TIMM23B: variants seen among roughly 807,000 people sequenced by gnomAD.
TIMM23B encodes the protein translocase of inner mitochondrial membrane 23 homolog B, also known as mitochondrial import inner membrane translocase subunit Tim23B.
A neutral mutation model predicts 27.3 loss-of-function variants in TIMM23B; 27 were observed. The ratio of observed to expected loss-of-function variants is 0.99; its 90% CI spans 0.73 to 1.36. The LOEUF is 1.36. Among genes scored for constraint, TIMM23B ranks in the 40% most tolerant of loss-of-function variants. The pLI is 0.00. For synonymous variants in TIMM23B, 73 were observed against 92.4 expected (o/e 0.79, Z 1.21); for missense variants, 205 against 244.2 (o/e 0.84, Z 1.07).
chr10:49,947,139 C>G (rs1839377686), intron 2 of TIMM23B, among the ~76,000 whole-genome samples: 1 of 152,184 alleles, frequency 6.6e-6, no homozygotes, highest in Non-Finnish European at 1.5e-5. Flanking sequence ...GGATTAAAGA[C>G]TTAAATGTAA....
At chr10:49,959,722 C>G (rs1839834604) in intron 6 of TIMM23B, among the ~76,000 whole-genome samples, 1 of 151,684 alleles carries the variant, frequency 6.6e-6, no homozygotes, top group Non-Finnish European at 1.5e-5. Context: ...CCTTAATTCC[C>G]TTTTCCCAAA....
At chr10:49,960,467 AC>A (rs1392904934) in intron 6 of TIMM23B, among the ~76,000 whole-genome samples, 2 of 151,734 alleles carry the variant, frequency 1.3e-5, no homozygotes, top group Non-Finnish European at 2.9e-5. Context: ...AGCTGTGTTA[AC>A]TCTGCTAAGA....
chr10:49,951,942 G>A (rs1490696907), intron 2 of TIMM23B, among the ~76,000 whole-genome samples, 184 bp from the exon 3 acceptor site: 2 of 152,244 alleles, frequency 1.3e-5, no homozygotes, highest in South Asian at 2.1e-4. Flanking sequence ...ACTGTGTTTC[G>A]TATTTCATTT....
In TIMM23B at chr10:49,974,796, T is replaced by C. The variant is rs1329637953; in HGVS notation, c.*1732T>C. 7.3e-6 allele frequency: 1 copy of C among 136,804 alleles called. No individual in the cohort carries two copies. The highest frequency in any genetic ancestry group is 1.5e-5 in the Non-Finnish European group (1 of 64,728). 8.5% of individuals were successfully genotyped at this position (136,804 alleles called of 1,614,324 possible). On this transcript the variant is annotated 3_prime_UTR_variant, in exon 7 of 7. Transcript: ENST00000651259. ...ATAACCAAAAGTCATTTTAGAGTACTGCTAGGTTACTCAACCTATCATCAC... is the reference window on the plus strand; with the variant it reads ...ATAACCAAAAGTCATTTTAGAGTACCGCTAGGTTACTCAACCTATCATCAC...
chr10:49,961,631 G>C (rs1392908693), intron 6 of TIMM23B, among the ~76,000 whole-genome samples: 1 of 150,684 alleles, frequency 6.6e-6, no homozygotes, highest in African/African-American at 2.4e-5. Context: ...TTGCGGTCTT[G>C]CTCTGTCACC....
chr10:49,942,466 TAGAA>T (rs1839153811), intron 1 of TIMM23B, among the ~76,000 whole-genome samples, 166 bp downstream of exon 1: 1 of 152,056 alleles, frequency 6.6e-6, no homozygotes, highest in Admixed American at 6.5e-5. Context: ...TCTTTCAAGA[TAGAA>T]AGGCCTAAAA....
chr10:49,961,397 A>G (rs1416367863), intron 6 of TIMM23B, among the ~76,000 whole-genome samples: 1 of 151,624 alleles, frequency 6.6e-6, no homozygotes, highest in Non-Finnish European at 1.5e-5. Context: ...AAAAAAAAAA[A>G]AAAGAAAAGA....
chr10:49,957,005 T>G lies in TIMM23B; in HGVS notation c.404-1365T>G, dbSNP rs1450200101. On this transcript the variant is annotated intron_variant, in intron 5 of 6. Transcript: ENST00000651259. ...TTTTGCAGTGGACAGCAGTTGGGTG[T>G]CCTCCTGTTTCACTTCTGCCTGGAG... 4.9e-4 allele frequency among the ~76,000 whole-genome samples: 73 copies of G among 147,950 alleles called. 2 individuals carry two copies. Among genetic ancestry groups the G allele is most frequent in the African/African-American group, 1.7e-3 (69 of 41,264 alleles).
At chr10:49,950,454 A>G (rs1437806168) in intron 2 of TIMM23B, among the ~76,000 whole-genome samples, 16 of 150,054 alleles carry the variant, frequency 1.1e-4, no homozygotes, top group African/African-American at 3.9e-4. Flanking sequence ...TTCAGTTGAT[A>G]CTAGCAGGAG....
chr10:49,963,880 G>A lies in TIMM23B; in HGVS notation c.514+5400G>A, dbSNP rs190765023. On this transcript the variant is annotated intron_variant, in intron 6 of 6. Coordinates refer to ENST00000651259, the MANE Select transcript of TIMM23B (RefSeq NM_001290117.2). ...CTTGGGAGGCTGAGAGAGGAGAATC[G>A]CTTGAACCCAGGAGGCAGAGGTTGC... is the stretch of plus-strand genomic sequence containing the variant. Among the ~76,000 whole-genome samples, 497 of 152,188 alleles carry A rather than the reference G, an allele frequency of 3.3e-3. 1 individual carries two copies. Among genetic ancestry groups the A allele is most frequent in the African/African-American group, 0.011 (467 of 41,524 alleles).
intron 6 of TIMM23B, among the ~76,000 whole-genome samples, chr10:49,959,987 G>A (rs1322367356): frequency 3.3e-5 from 5 of 151,208 alleles, no homozygotes; most frequent in Admixed American, 6.6e-5. Context: ...GACCTCAGGT[G>A]ATCCACCCTC....
At chr10:49,944,818 G>C (rs1428139592) in intron 1 of TIMM23B, among the ~76,000 whole-genome samples, 1 of 152,200 alleles carries the variant, frequency 6.6e-6, no homozygotes, top group African/African-American at 2.4e-5. Context: ...GTAAAAGCCT[G>C]AGCCACCAGT....
chr10:49,965,206 C>T (rs1445189908), intron 6 of TIMM23B, among the ~76,000 whole-genome samples: 2 of 151,516 alleles, frequency 1.3e-5, no homozygotes, highest in African/African-American at 4.8e-5. Flanking sequence ...GGCAATAGAA[C>T]GAGTCTCCAT....
At chr10:49,946,712 TTAA>T (rs1839365268) in intron 2 of TIMM23B, among the ~76,000 whole-genome samples, 1 of 149,392 alleles carries the variant, frequency 6.7e-6, no homozygotes, top group Non-Finnish European at 1.5e-5. Flanking sequence ...CCTGAAAATT[TTAA>T]TATTAAAATG....
intron 5 of TIMM23B, 92 bp downstream of exon 5, chr10:49,955,152 C>G (rs2133070202): frequency 7.7e-7 from 1 of 1,307,086 alleles, no homozygotes; most frequent in East Asian, 2.3e-5. Flanking sequence ...TATTCTGGTC[C>G]TAGGATATGA....
In TIMM23B at chr10:49,973,035, C is replaced by T. The variant is rs1554856854; in HGVS notation, c.538C>T (p.Pro180Ser). The T allele has an allele frequency of 3.3e-6, 5 of 1,532,478 alleles. No individual in the cohort carries two copies. In the Admixed American group the frequency reaches 5.9e-5, roughly 18 times the overall value. 94.9% of individuals were successfully genotyped at this position (1,532,478 alleles called of 1,614,324 possible). ...AGTGTCAGAGATGGCTTTGGATTCCCCGTTCTGTGTGCTGCTGTCTGGCTC... is the reference window on the plus strand; with the variant it reads ...AGTGTCAGAGATGGCTTTGGATTCCTCGTTCTGTGTGCTGCTGTCTGGCTC... Reference protein sequence around the residue: ...CTVSEMALDSPFCVLLSGS With the variant: ...CTVSEMALDSSFCVLLSGS The change falls in exon 7 of 7, where the codon CCG becomes TCG. Residue 180 changes from proline to serine, a missense_variant. Pro to Ser is a moderately conservative substitution (Grantham distance 74, BLOSUM62 -1). Coordinates refer to ENST00000651259, the MANE Select transcript of TIMM23B (RefSeq NM_001290117.2).
intron 2 of TIMM23B, among the ~76,000 whole-genome samples, chr10:49,948,886 C>G (rs1167447501): frequency 0.07 from 10,597 of 152,096 alleles, 517 homozygotes; most frequent in African/African-American, 0.12. Flanking sequence ...TCCATTTTCT[C>G]TCTCTCTTTT....
chr10:49,957,670 C>G (rs1372506389), intron 5 of TIMM23B, among the ~76,000 whole-genome samples: 1 of 152,142 alleles, frequency 6.6e-6, no homozygotes, highest in Non-Finnish European at 1.5e-5. Context: ...GTGCACTAGC[C>G]TCCTGACACG....
Position 49,973,184 on chromosome 10 carries a change from A to G in TIMM23B, c.*120A>G. 1.7e-6 allele frequency: 1 copy of G among 604,232 alleles called. No individual in the cohort carries two copies. The highest frequency in any genetic ancestry group is 2.7e-5 in the East Asian group (1 of 36,454). The allele number at this position is 604,232 out of a possible 1,614,324, so 37.4% of individuals were successfully genotyped here. ...CATTTTAACCACCTCTGACTTTTCC[A>G]TGGAATGGACAAGTAGTAGTCTCTG... On this transcript the variant is annotated 3_prime_UTR_variant, in exon 7 of 7. Coordinates refer to ENST00000651259, the MANE Select transcript of TIMM23B (RefSeq NM_001290117.2).
Sources: allele counts gnomAD v4.1 joint callset (sites outside exome capture counted in the v4.1 genomes callset), GRCh38; gene constraint gnomAD v4.1.1; transcripts MANE v1.5; gene names NCBI Gene and HGNC (gene_info 2026-07-23, HGNC 2026-07-21).